GLIS3: variants seen among roughly 807,000 people sequenced by gnomAD.
GLIS3 encodes zinc finger protein GLIS3.
Under a neutral mutation model 78.6 loss-of-function variants are expected in GLIS3, and 53 were observed. That is an observed-to-expected ratio of 0.67 (90% CI 0.54 to 0.85). The LOEUF (loss-of-function observed/expected upper bound fraction) is 0.85. Ranked by LOEUF, GLIS3 falls within the 40% of genes least tolerant of loss-of-function variation. The probability of loss-of-function intolerance (pLI) is 0.00; values close to 1 mark genes in which losing one functional copy is unlikely to be tolerated. For missense variants in GLIS3, 1,703 were observed against 1,231.1 expected, an observed-to-expected ratio of 1.38 and a Z score of -5.74; for synonymous variants, 684 against 509.9, an observed-to-expected ratio of 1.34 and a Z score of -4.60.
intron 4 of GLIS3, among the ~76,000 whole-genome samples, chr9:4,038,722 C>G (rs946856): frequency 0.83 from 125,962 of 152,206 alleles, 52,377 homozygotes; most frequent in African/African-American, 0.92. Context: ...CAGCTCTCCA[C>G]TATTCTTTTT....
the GLIS3 span, among the ~76,000 whole-genome samples, chr9:4,486,783 G>A: frequency 1.3e-5 from 2 of 152,174 alleles, no homozygotes; most frequent in African/African-American, 4.8e-5. Flanking sequence ...TCAAACTCCT[G>A]GGCTCAAGCC....
intron 4 of GLIS3, among the ~76,000 whole-genome samples, chr9:4,006,876 C>T (rs1009515345): frequency 6.6e-6 from 1 of 152,196 alleles, no homozygotes; most frequent in African/African-American, 2.4e-5. Flanking sequence ...TGCTGCTGTA[C>T]TCAGCAATGC....
chr9:4,352,446 G>C (rs1286169316), upstream of GLIS3, among the ~76,000 whole-genome samples: 1 of 152,290 alleles, frequency 6.6e-6, no homozygotes, highest in African/African-American at 2.4e-5. Flanking sequence ...TAGAAATACA[G>C]AGGACTAAGG....
At chr9:4,404,875 C>T in the GLIS3 span, among the ~76,000 whole-genome samples, 408 of 152,008 alleles carry the variant, frequency 2.7e-3, 2 homozygotes, top group African/African-American at 9.6e-3. Context: ...AAGATCAGAG[C>T]AGAAATAAAT....
intron 2 of GLIS3, among the ~76,000 whole-genome samples, chr9:4,195,391 A>C (rs545468224): frequency 2.6e-5 from 4 of 152,144 alleles, no homozygotes; most frequent in South Asian, 4.1e-4. Flanking sequence ...CCACACTCGG[A>C]GAGGCCAGCC....
At chr9:3,989,255 C>T (rs147760097) in intron 4 of GLIS3, among the ~76,000 whole-genome samples, 1 of 152,078 alleles carries the variant, frequency 6.6e-6, no homozygotes, top group Non-Finnish European at 1.5e-5. Flanking sequence ...ATACCAAATA[C>T]TGGCAAAGAT....
intron 2 of GLIS3, among the ~76,000 whole-genome samples, chr9:4,235,024 C>T (rs1014418183): frequency 6.6e-6 from 1 of 152,094 alleles, no homozygotes; most frequent in Non-Finnish European, 1.5e-5. Context: ...GGGAGCCAGG[C>T]GCGGTGGCTC....
chr9:4,117,278 C>G (rs749863144), intron 4 of GLIS3, among the ~76,000 whole-genome samples: 3 of 152,190 alleles, frequency 2.0e-5, no homozygotes, highest in Non-Finnish European at 2.9e-5. Flanking sequence ...TGGATGCATG[C>G]CGAAACACTT....
intron 4 of GLIS3, among the ~76,000 whole-genome samples, chr9:4,032,339 T>C (rs965149568): frequency 1.3e-5 from 2 of 152,216 alleles, no homozygotes; most frequent in African/African-American, 4.8e-5. Flanking sequence ...GGAACTTTGG[T>C]CCTTAGCAGC....
the GLIS3 span, among the ~76,000 whole-genome samples, chr9:4,478,588 G>A: frequency 6.6e-6 from 1 of 150,994 alleles, no homozygotes; most frequent in African/African-American, 2.5e-5. Flanking sequence ...TCCAGCCTGG[G>A]CGACAGAGAT....
intron 8 of GLIS3, among the ~76,000 whole-genome samples, chr9:3,860,809 G>C (rs1200355850): frequency 6.6e-6 from 1 of 152,116 alleles, no homozygotes; most frequent in African/African-American, 2.4e-5. Context: ...TCATTCAAGG[G>C]GTCTTTGTTG....
intron 4 of GLIS3, among the ~76,000 whole-genome samples, chr9:4,112,443 G>C (rs1439902401): frequency 6.6e-6 from 1 of 152,170 alleles, no homozygotes; most frequent in African/African-American, 2.4e-5. Context: ...TATTTATCTA[G>C]CACTAATGTT....
intron 7 of GLIS3, among the ~76,000 whole-genome samples, chr9:3,893,322 G>A (rs1360657708): frequency 6.6e-6 from 1 of 152,042 alleles, no homozygotes; most frequent in African/African-American, 2.4e-5. Context: ...TGAATACAAG[G>A]GACTAAGTGG....
At chr9:4,112,630 G>C (rs542156270) in intron 4 of GLIS3, among the ~76,000 whole-genome samples, 20 of 152,134 alleles carry the variant, frequency 1.3e-4, no homozygotes, top group Non-Finnish European at 2.4e-4. Flanking sequence ...GAAGTTCTAA[G>C]TATGGAACAG....
intron 2 of GLIS3, among the ~76,000 whole-genome samples, chr9:4,319,392 G>T (rs10758603): frequency 6.6e-6 from 1 of 151,912 alleles, no homozygotes; most frequent in Non-Finnish European, 1.5e-5. Flanking sequence ...GGTGAATCTG[G>T]GTGAAGGTAC....
At chr9:4,140,502 G>A (rs1310304721) in intron 2 of GLIS3, among the ~76,000 whole-genome samples, 2 of 152,150 alleles carry the variant, frequency 1.3e-5, no homozygotes, top group African/African-American at 4.8e-5. Flanking sequence ...AGACCCAGAG[G>A]GAAGGAAAAT....
At chr9:4,121,407 G>A (rs1832170143) in intron 3 of GLIS3, among the ~76,000 whole-genome samples, 1 of 152,112 alleles carries the variant, frequency 6.6e-6, no homozygotes, top group Non-Finnish European at 1.5e-5. Context: ...CTGCCAGAAT[G>A]TAAGATACAT....
chr9:4,045,186 A>T (rs1004853754), intron 4 of GLIS3, among the ~76,000 whole-genome samples: 59 of 152,262 alleles, frequency 3.9e-4, no homozygotes, highest in Middle Eastern at 3.4e-3. Flanking sequence ...CATTTTGGCC[A>T]TATTGATATT....
chr9:4,308,480 C>T (rs1486447854), intron 4 of GLIS3, among the ~76,000 whole-genome samples: 1 of 152,002 alleles, frequency 6.6e-6, no homozygotes, highest in Non-Finnish European at 1.5e-5. Context: ...GAGAAAGGAC[C>T]TTGTTCTGCC....
Sources: allele counts gnomAD v4.1 joint callset (sites outside exome capture counted in the v4.1 genomes callset), GRCh38; gene constraint gnomAD v4.1.1; transcripts MANE v1.5; gene names NCBI Gene and HGNC (gene_info 2026-07-23, HGNC 2026-07-21).